The following WDTC1 variants were observed in gnomAD, a reference collection of about 807,000 sequenced individuals.
The protein encoded by WDTC1 is WD and tetratricopeptide repeats protein 1.
WDTC1 carries 12 observed loss-of-function variants against 76.0 expected under a neutral mutation model. That is an observed-to-expected ratio of 0.16 (90% CI 0.10 to 0.26). WDTC1 has a LOEUF of 0.26. WDTC1 is among the 10% of genes least tolerant of loss of function. The pLI is 1.00. For synonymous variants in WDTC1, 326 were observed against 350.8 expected (o/e 0.93, Z 0.79); for missense variants, 511 against 908.8 (o/e 0.56, Z 5.63).
chr1:27,302,178 C>T (rs1241894735), intron 13 of WDTC1, among the ~76,000 whole-genome samples: 1 of 152,236 alleles, frequency 6.6e-6, no homozygotes, highest in Non-Finnish European at 1.5e-5. Flanking sequence ...TTATCAGACA[C>T]CTGCCATGTG....
chr1:27,288,373 G>A (rs1182707261), intron 6 of WDTC1, among the ~76,000 whole-genome samples: 4 of 145,718 alleles, frequency 2.7e-5, no homozygotes, highest in African/African-American at 1.0e-4. Flanking sequence ...TTTTTTTATT[G>A]ATCATTCTTG....
intron 1 of WDTC1, among the ~76,000 whole-genome samples, chr1:27,241,061 C>A (rs1037514858): frequency 6.6e-6 from 1 of 151,938 alleles, no homozygotes; most frequent in African/African-American, 2.4e-5. Flanking sequence ...GTCAGAGGCC[C>A]TGTGCAAAGA....
Position 27,303,697 on chromosome 1 carries a change from T to A in WDTC1, c.1545T>A (p.Asp515Glu). ...STSRKDSISE[D>E]EMVLRERSYD... is the part of the protein sequence containing the mutation. Reference sequence around the variant, plus strand: ...GCCGCAAGGACTCCATCTCAGAGGATGAAATGGTGCTGCGGGAGCGAAGCT... The same window carrying A: ...GCCGCAAGGACTCCATCTCAGAGGAAGAAATGGTGCTGCGGGAGCGAAGCT... The change falls in exon 14 of 16, where the codon GAT becomes GAA. Residue 515 changes from aspartate to glutamate, a missense_variant. By Grantham distance (45) the Asp-to-Glu change is conservative. Coordinates refer to ENST00000319394, the MANE Select transcript of WDTC1 (RefSeq NM_001276252.2). The surrounding 1 kb of genome is among the most constrained non-coding windows in gnomAD (Gnocchi z 4.8). 1 of 1,613,870 alleles carries A rather than the reference T, an allele frequency of 6.2e-7. No individual in the cohort carries two copies. Among genetic ancestry groups the A allele is most frequent in the Non-Finnish European group, 8.5e-7 (1 of 1,179,886 alleles).
intron 1 of WDTC1, among the ~76,000 whole-genome samples, chr1:27,255,731 G>A (rs920357469): frequency 7.2e-5 from 11 of 152,150 alleles, no homozygotes; most frequent in Non-Finnish European, 1.2e-4. Context: ...ACCACACGCA[G>A]CTAATTTTTG....
intron 1 of WDTC1, among the ~76,000 whole-genome samples, chr1:27,248,308 G>T (rs1341781397): frequency 6.6e-6 from 1 of 152,174 alleles, no homozygotes; most frequent in African/African-American, 2.4e-5. Context: ...AACCTCACCA[G>T]CATCTGTTAT....
chr1:27,268,859 T>C (rs2012763023), intron 3 of WDTC1, among the ~76,000 whole-genome samples: 1 of 151,020 alleles, frequency 6.6e-6, no homozygotes, highest in African/African-American at 2.4e-5. Context: ...GGACTACAGG[T>C]GCACGCCACC....
chr1:27,292,617 C>T (rs1003232052), intron 7 of WDTC1, among the ~76,000 whole-genome samples: 2 of 151,818 alleles, frequency 1.3e-5, no homozygotes, highest in South Asian at 2.1e-4. Flanking sequence ...TTTATAGGGG[C>T]GGGGTCTTTC....
chr1:27,258,691 A>G (rs2012372119), intron 1 of WDTC1, among the ~76,000 whole-genome samples: 1 of 152,242 alleles, frequency 6.6e-6, no homozygotes, highest in South Asian at 2.1e-4. Flanking sequence ...GTCCTACTGC[A>G]TGCCTAGCAC....
At chr1:27,292,666 A>G (rs2013567292) in intron 7 of WDTC1, among the ~76,000 whole-genome samples, 1 of 151,570 alleles carries the variant, frequency 6.6e-6, no homozygotes, top group Admixed American at 6.6e-5. Flanking sequence ...AGCTAAAGCA[A>G]TCTTTCCACC....
intron 10 of WDTC1, 71 bp downstream of exon 10, chr1:27,296,472 G>A: frequency 6.6e-7 from 1 of 1,525,268 alleles, no homozygotes; most frequent in Non-Finnish European, 9.1e-7. Flanking sequence ...CACCTGCTGA[G>A]AAGCCTGCCC....
intron 3 of WDTC1, among the ~76,000 whole-genome samples, chr1:27,269,475 G>GAGAA: frequency 6.6e-6 from 1 of 151,900 alleles, no homozygotes; most frequent in East Asian, 1.9e-4. Flanking sequence ...AAATGAGGTT[G>GAGAA]GTGAGGTAAG....
chr1:27,303,614 C>T lies in WDTC1; in HGVS notation c.1469-7C>T, dbSNP rs899694464. The T allele has an allele frequency of 2.5e-6, 4 of 1,576,938 alleles. No individual in the cohort carries two copies. The highest frequency in any genetic ancestry group is 3.4e-6 in the Non-Finnish European group (4 of 1,167,184). ...GGCGCTTACCTTTTCTGGATCTCTG[C>T]CCCCAGAGGAGAAGAAGGGACCTGG... On this transcript the variant is annotated splice_polypyrimidine_tract_variant and splice_region_variant and intron_variant, in intron 13 of 15. Transcript: ENST00000319394. The surrounding 1 kb of genome is among the most constrained non-coding windows in gnomAD (Gnocchi z 4.8).
chr1:27,297,296 T>C, intron 11 of WDTC1, 140 bp downstream of exon 11: 1 of 743,494 alleles, frequency 1.3e-6, no homozygotes, highest in Non-Finnish European at 2.2e-6. Flanking sequence ...GCAAAGAGCC[T>C]TCTTGGAGGG....
rs2013946542 is a variant in WDTC1 at position 27,306,089 on chromosome 1, G to A, written c.1837-97G>A. On this transcript the variant is annotated intron_variant, in intron 15 of 15. Transcript: ENST00000319394. The surrounding 1 kb of genome is among the most constrained non-coding windows in gnomAD (Gnocchi z 5.0). ...GTATGTGTACCTCCCCCTATAGATA[G>A]TTTAGTCTGTGTATTTCCCTCCCCC... 3.7e-6 allele frequency: 5 copies of A among 1,369,856 alleles called. No homozygotes were observed. Among genetic ancestry groups the A allele is most frequent in the Non-Finnish European group, 5.1e-6 (5 of 982,994 alleles). 84.9% of individuals were successfully genotyped at this position (1,369,856 alleles called of 1,614,324 possible).
intron 3 of WDTC1, among the ~76,000 whole-genome samples, chr1:27,263,626 G>C (rs539536471): frequency 6.6e-6 from 1 of 152,138 alleles, no homozygotes; most frequent in African/African-American, 2.4e-5. Context: ...AGTAGAGACG[G>C]GGTTTCACCA....
At chr1:27,248,395 A>G (rs1181799003) in intron 1 of WDTC1, among the ~76,000 whole-genome samples, 1 of 152,164 alleles carries the variant, frequency 6.6e-6, no homozygotes, top group African/African-American at 2.4e-5. Flanking sequence ...GGATTTCTCT[A>G]TTGATCAGTG....
chr1:27,296,964 C>T (rs926358491), intron 10 of WDTC1, 84 bp from the exon 11 acceptor site: 9 of 1,192,192 alleles, frequency 7.5e-6, no homozygotes, highest in Admixed American at 7.0e-5. Context: ...CATCAGACCC[C>T]GTGATGGAAG....
chr1:27,262,825 A>G (rs2012524921), intron 2 of WDTC1, among the ~76,000 whole-genome samples: 1 of 151,832 alleles, frequency 6.6e-6, no homozygotes, highest in African/African-American at 2.4e-5. Flanking sequence ...TGTGTGCAAT[A>G]TGTGTCCTAA....
intron 1 of WDTC1, among the ~76,000 whole-genome samples, chr1:27,244,940 A>G (rs1171133222): frequency 6.6e-6 from 1 of 152,044 alleles, no homozygotes; most frequent in Non-Finnish European, 1.5e-5. Flanking sequence ...AAATCTCAGC[A>G]TAGTGTCATC....
Sources: gnomAD v4.1 joint callset for allele counts (sites outside exome capture counted in the v4.1 genomes callset) on GRCh38, gnomAD v4.1.1 for gene constraint, Gnocchi (gnomAD v3.1) non-coding constraint, MANE v1.5 for transcripts, NCBI Gene and HGNC (gene_info 2026-07-23, HGNC 2026-07-21) for gene names.